Variants in MICAL3 observed in about 807,000 individuals in gnomAD.
MICAL3 encodes the protein [F-actin]-monooxygenase MICAL3.
MICAL3 carries 62 observed loss-of-function variants against 207.4 expected under a neutral mutation model. That is an observed-to-expected ratio of 0.30 (90% CI 0.24 to 0.37). The LOEUF (loss-of-function observed/expected upper bound fraction) is 0.37, where lower values mean the gene tolerates loss of function less well. MICAL3 is among the 10% of genes least tolerant of loss of function. The pLI is 1.00. For missense variants in MICAL3, 2,368 were observed against 2,635.6 expected (o/e 0.90, Z 2.22); for synonymous variants, 1,077 against 1,069.3 (o/e 1.01, Z -0.14).
chr22:17,931,331 C>T (rs994713555), intron 1 of MICAL3, among the ~76,000 whole-genome samples: 5 of 152,188 alleles, frequency 3.3e-5, no homozygotes, highest in Admixed American at 1.3e-4. Flanking sequence ...ACAAGGGTAT[C>T]GCATAAGTGG....
rs1486908303 is a variant in MICAL3, at chr22:17,788,628, CCT to C, written c.*2102_*2103del. The C allele has an allele frequency of 6.6e-6, 1 of 152,274 alleles. No homozygotes were observed. The highest frequency in any genetic ancestry group is 1.5e-5 in the Non-Finnish European group (1 of 68,052). 9.4% of individuals were successfully genotyped at this position (152,274 alleles called of 1,614,324 possible). On this transcript the variant is annotated 3_prime_UTR_variant, in exon 32 of 32. Coordinates refer to ENST00000441493, the MANE Select transcript of MICAL3 (RefSeq NM_015241.3). ...ATGGAATCTAGAAACCCTCCTCTCC[CCT>C]TTTTTAAGTAAAGAGAAAAGAAAAG...
intron 1 of MICAL3, among the ~76,000 whole-genome samples, chr22:17,998,404 T>C (rs1222813184): frequency 6.6e-6 from 1 of 152,092 alleles, no homozygotes; most frequent in Non-Finnish European, 1.5e-5. Context: ...TCTTTGCCTA[T>C]AAAATGGGAA....
chr22:17,883,453 G>T (rs1038688779), intron 16 of MICAL3, among the ~76,000 whole-genome samples: 4 of 152,184 alleles, frequency 2.6e-5, no homozygotes, highest in African/African-American at 9.7e-5. Context: ...CAGGAGGCTG[G>T]GGAGACCGAC....
At position 17,884,329 on chromosome 22, in the gene MICAL3, C is replaced by T. The variant is rs61738714; in HGVS notation, c.2241+1549G>A. ...GAACCTGCCCAGGCAGGCAGCAGGA[C>T]GGCTGGCTGGCCCCACGCTCTTGTG... On this transcript the variant is annotated intron_variant, in intron 16 of 31. Coordinates refer to ENST00000441493, the MANE Select transcript of MICAL3 (RefSeq NM_015241.3). The T allele has an allele frequency of 8.8e-4, 1,407 of 1,596,300 alleles. 15 individuals are homozygous for T. The African/African-American group carries it at 0.016, about 18-fold the overall frequency.
At chr22:17,834,198 T>C (rs1300910100) in intron 20 of MICAL3, 1 of 1,036,954 alleles carries the variant, frequency 9.6e-7, no homozygotes, top group Non-Finnish European at 1.2e-6. Flanking sequence ...GAGTTGATTA[T>C]TTGTGCTCTC....
Position 17,902,872 on chromosome 22 carries a change from A to G in MICAL3, c.473-125T>C. 2 of 614,728 alleles carry G rather than the reference A, an allele frequency of 3.3e-6. No homozygotes were observed. The highest frequency in any genetic ancestry group is 2.0e-5 in the South Asian group (1 of 50,420). The allele number at this position is 614,728 out of a possible 1,614,324, so 38.1% of individuals were successfully genotyped here. A position where few individuals can be genotyped will look rare whatever the true frequency, so the allele number is the denominator to read the frequency against. On this transcript the variant is annotated intron_variant, in intron 3 of 31. Coordinates refer to ENST00000441493, the MANE Select transcript of MICAL3 (RefSeq NM_015241.3). The surrounding 1 kb of genome is among the most constrained non-coding windows in gnomAD (Gnocchi z 4.5). The stretch of plus-strand genomic sequence containing the variant: ...CATTCAGATTCCCAAAGCCTGCTGT[A>G]GCAGGAGACCTTCCAAAGCCACGCT...
chr22:17,936,754 T>C (rs960970637), intron 1 of MICAL3, among the ~76,000 whole-genome samples: 3 of 152,196 alleles, frequency 2.0e-5, no homozygotes, highest in Non-Finnish European at 2.9e-5. Flanking sequence ...AAAGTCATTA[T>C]TGTAAAAAGA....
At chr22:17,806,781 A>T (rs1350394650) in intron 29 of MICAL3, among the ~76,000 whole-genome samples, 4 of 152,222 alleles carry the variant, frequency 2.6e-5, no homozygotes. Flanking sequence ...AAAACCACTG[A>T]CTTAGACGGC....
chr22:17,995,288 C>T (rs1313002970), intron 1 of MICAL3, among the ~76,000 whole-genome samples: 8 of 150,154 alleles, frequency 5.3e-5, no homozygotes, highest in Admixed American at 1.3e-4. Flanking sequence ...GTGATCCTCC[C>T]ACCTCAGCCT....
intron 29 of MICAL3, among the ~76,000 whole-genome samples, chr22:17,798,478 A>G (rs1198552519): frequency 6.6e-6 from 1 of 152,104 alleles, no homozygotes; most frequent in East Asian, 1.9e-4. Context: ...GCTTATTCTC[A>G]GGCATATTTT....
rs777052360 is a variant in MICAL3, at chr22:17,906,792, C to T, written c.21G>A (p.Glu7=). The change falls in exon 2 of 32, where the codon GAG becomes GAA. Residue 7 remains glutamate (E), a synonymous_variant. Transcript: ENST00000441493. MEERKH[E]TMNPAHVLFD... ...AGAGGACATGAGCTGGGTTCATGGT[C>T]TCATGCTTCCTCTCCTCCATGCTGC... is the stretch of plus-strand genomic sequence containing the variant. 2.5e-6 allele frequency: 4 copies of T among 1,607,902 alleles called. No individual in the cohort carries two copies. The South Asian group carries it at 4.4e-5, about 18-fold the overall frequency.
chr22:17,917,551 C>T (rs370262809), intron 1 of MICAL3, among the ~76,000 whole-genome samples: 1 of 152,184 alleles, frequency 6.6e-6, no homozygotes, highest in Non-Finnish European at 1.5e-5. Flanking sequence ...TACTTCTGCT[C>T]CTCCAAACCC....
At chr22:18,013,658 T>C (rs1923881274) in intron 1 of MICAL3, among the ~76,000 whole-genome samples, 1 of 152,300 alleles carries the variant, frequency 6.6e-6, no homozygotes, top group South Asian at 2.1e-4. Flanking sequence ...TGGCCTAGGG[T>C]ATGTGCTTAG....
At chr22:17,930,598 A>C (rs569035724) in intron 1 of MICAL3, among the ~76,000 whole-genome samples, 16 of 152,290 alleles carry the variant, frequency 1.1e-4, no homozygotes, top group African/African-American at 3.6e-4. Flanking sequence ...ACAAGAACAA[A>C]GTTTATGTCT....
At chr22:17,851,437 C>T (rs1303692110) in intron 19 of MICAL3, among the ~76,000 whole-genome samples, 5 of 152,212 alleles carry the variant, frequency 3.3e-5, no homozygotes, top group African/African-American at 1.2e-4. Flanking sequence ...ACCAGAGGCT[C>T]TGCTGGGGAG....
chr22:17,988,200 G>T (rs574170239), intron 1 of MICAL3, among the ~76,000 whole-genome samples: 1 of 152,282 alleles, frequency 6.6e-6, no homozygotes, highest in South Asian at 2.1e-4. Flanking sequence ...TTACCAACAG[G>T]GGGCTGGAAA....
At chr22:17,837,951 G>T (rs893637325) in intron 20 of MICAL3, among the ~76,000 whole-genome samples, 1 of 152,156 alleles carries the variant, frequency 6.6e-6, no homozygotes, top group South Asian at 2.1e-4. Context: ...TGAGGAGCTG[G>T]GACCACAGGA....
rs758742610 is a variant in MICAL3, at chr22:17,817,728, G to A, written c.4933C>T (p.Arg1645Cys). 1.8e-5 allele frequency: 29 copies of A among 1,590,112 alleles called. No individual in the cohort carries two copies. Among genetic ancestry groups the A allele is most frequent in the South Asian group, 1.6e-4 (14 of 87,794 alleles). The change falls in exon 26 of 32, where the codon CGC becomes TGC. Residue 1645 changes from arginine to cysteine, a missense_variant. Arg to Cys is a radical substitution (Grantham distance 180, BLOSUM62 -3). Coordinates refer to ENST00000441493, the MANE Select transcript of MICAL3 (RefSeq NM_015241.3). ...ASSAPSQGKE[R>C]RPDSPTRPTL... ...GGGCGTGTGGGGGAGTCAGGCCGGC[G>A]CTCCTTGCCCTGGGAGGGTGCTGAG...
At chr22:18,001,745 G>A (rs976828767) in intron 1 of MICAL3, among the ~76,000 whole-genome samples, 32 of 152,256 alleles carry the variant, frequency 2.1e-4, no homozygotes, top group Admixed American at 3.3e-4. Flanking sequence ...TCCCCCTGCA[G>A]GATCCATATG....
Sources: allele counts gnomAD v4.1 joint callset (sites outside exome capture counted in the v4.1 genomes callset), GRCh38; gene constraint gnomAD v4.1.1; non-coding constraint Gnocchi (gnomAD v3.1); transcripts MANE v1.5; gene names NCBI Gene and HGNC (gene_info 2026-07-23, HGNC 2026-07-21).